Variants in UBE2E2 observed in about 807,000 individuals in gnomAD.
The protein encoded by UBE2E2 is ubiquitin conjugating enzyme E2 E2.
Under a neutral mutation model 24.7 loss-of-function variants are expected in UBE2E2, and 6 were observed. The observed-to-expected ratio is 0.24, with a 90% CI of 0.13 to 0.48. The LOEUF (loss-of-function observed/expected upper bound fraction) is 0.48. Among genes scored for constraint, UBE2E2 ranks in the 20% least tolerant of loss-of-function variants. UBE2E2 has a pLI of 0.99. For synonymous variants in UBE2E2, 104 were observed against 83.6 expected, an observed-to-expected ratio of 1.24 and a Z score of -1.33; for missense variants, 169 against 245.0, an observed-to-expected ratio of 0.69 and a Z score of 2.07.
Position 23,272,779 on chromosome 3 carries a change from C to T in UBE2E2, c.227+55467C>T, listed in dbSNP as rs114918702. 1.8e-3 allele frequency among the ~76,000 whole-genome samples: 278 copies of T among 152,118 alleles called. 1 individual carries two copies. The highest frequency in any genetic ancestry group is 6.3e-3 in the African/African-American group (260 of 41,496). On this transcript the variant is annotated intron_variant, in intron 3 of 5. Transcript: ENST00000396703. ...AGCTGGAGACTCAGGAGAGCTGTGG[C>T]GTAGTAGTTTCTGTCCAAGTCCAGA...
At chr3:23,516,167 G>A (rs546290082) in intron 4 of UBE2E2, among the ~76,000 whole-genome samples, 1 of 152,266 alleles carries the variant, frequency 6.6e-6, no homozygotes, top group South Asian at 2.1e-4. Context: ...TAGATACATA[G>A]TTTAAGAACA....
At chr3:23,545,721 A>G (rs1250902657) in intron 5 of UBE2E2, among the ~76,000 whole-genome samples, 3 of 152,204 alleles carry the variant, frequency 2.0e-5, no homozygotes, top group Admixed American at 2.0e-4. Flanking sequence ...ATATATGTTT[A>G]TCACAGCGCA....
chr3:23,392,921 A>G (rs1320694218), intron 3 of UBE2E2, among the ~76,000 whole-genome samples: 1 of 152,214 alleles, frequency 6.6e-6, no homozygotes, highest in Non-Finnish European at 1.5e-5. Flanking sequence ...AAGGCCAGGA[A>G]GGGGCAAGTC....
chr3:23,482,837 G>T (rs1466344376), intron 3 of UBE2E2, among the ~76,000 whole-genome samples: 1 of 152,178 alleles, frequency 6.6e-6, no homozygotes, highest in African/African-American at 2.4e-5. Flanking sequence ...TAAAGAAGAT[G>T]ATGAATGTGA....
intron 3 of UBE2E2, among the ~76,000 whole-genome samples, chr3:23,444,742 T>C (rs1308234261): frequency 1.3e-5 from 2 of 152,216 alleles, no homozygotes; most frequent in African/African-American, 2.4e-5. Flanking sequence ...CCAGCTGTTA[T>C]TTGTGAATGG....
At chr3:23,239,619 G>A (rs1697206549) in intron 3 of UBE2E2, among the ~76,000 whole-genome samples, 1 of 152,188 alleles carries the variant, frequency 6.6e-6, no homozygotes, top group Non-Finnish European at 1.5e-5. Context: ...ATAATTGAGT[G>A]GAGGTTGGGA....
intron 5 of UBE2E2, among the ~76,000 whole-genome samples, chr3:23,548,104 C>G (rs1695564605): frequency 1.3e-5 from 2 of 152,190 alleles, no homozygotes; most frequent in East Asian, 3.8e-4. Context: ...TATGTTCTCA[C>G]ATCAGCTTAC....
chr3:23,574,114 C>T (rs1446358611), intron 5 of UBE2E2, among the ~76,000 whole-genome samples: 1 of 152,040 alleles, frequency 6.6e-6, no homozygotes, highest in African/African-American at 2.4e-5. Flanking sequence ...GTGAAATAAG[C>T]CAGGCACAGA....
At chr3:23,513,405 T>C (rs866018591) in intron 4 of UBE2E2, among the ~76,000 whole-genome samples, 13 of 136,594 alleles carry the variant, frequency 9.5e-5, no homozygotes, top group Middle Eastern at 4.2e-3. Context: ...TGTAGATCTT[T>C]GTTAGAATCA....
intron 4 of UBE2E2, among the ~76,000 whole-genome samples, chr3:23,524,441 C>A (rs1694944974): frequency 6.6e-6 from 1 of 152,164 alleles, no homozygotes; most frequent in Admixed American, 6.5e-5. Flanking sequence ...GTACTTCAGT[C>A]TTCACAGCTA....
chr3:23,489,245 T>C (rs958173410), intron 3 of UBE2E2, among the ~76,000 whole-genome samples: 1 of 152,182 alleles, frequency 6.6e-6, no homozygotes, highest in African/African-American at 2.4e-5. Flanking sequence ...TATTACATTG[T>C]AATATATAAT....
intron 3 of UBE2E2, among the ~76,000 whole-genome samples, chr3:23,232,299 C>T (rs886281013): frequency 6.6e-6 from 1 of 152,180 alleles, no homozygotes; most frequent in East Asian, 1.9e-4. Context: ...AGAACAAATA[C>T]TATTTCAAAA....
chr3:23,408,945 C>A lies in UBE2E2; in HGVS notation c.228-90663C>A, dbSNP rs185444221. 2.0e-5 allele frequency among the ~76,000 whole-genome samples: 3 copies of A among 152,200 alleles called. No individual in the cohort carries two copies. The East Asian group carries it at 5.8e-4, about 29-fold the overall frequency. On this transcript the variant is annotated intron_variant, in intron 3 of 5. Coordinates refer to ENST00000396703, the MANE Select transcript of UBE2E2 (RefSeq NM_152653.4). ...GAAGAGCCCTTGTATTTGAATAATG[C>A]TTAATTCCTACTTCTGTGGGATGTT...
intron 5 of UBE2E2, among the ~76,000 whole-genome samples, chr3:23,581,333 A>G (rs940727510): frequency 6.6e-6 from 1 of 152,162 alleles, no homozygotes; most frequent in Admixed American, 6.6e-5. Context: ...GTCATTTATT[A>G]TGGTTAAAGC....
At chr3:23,539,894 C>CT in intron 5 of UBE2E2, among the ~76,000 whole-genome samples, 1 of 152,048 alleles carries the variant, frequency 6.6e-6, no homozygotes, top group Non-Finnish European at 1.5e-5. Context: ...AATGTGTGAA[C>CT]TAGATGGCCT....
chr3:23,501,243 G>A (rs1180600539), intron 4 of UBE2E2, among the ~76,000 whole-genome samples: 1 of 152,180 alleles, frequency 6.6e-6, no homozygotes, highest in Non-Finnish European at 1.5e-5. Flanking sequence ...CTTGAGATTA[G>A]TAGTTTCAGA....
chr3:23,209,963 C>T (rs1259129727), intron 2 of UBE2E2, among the ~76,000 whole-genome samples: 1 of 152,078 alleles, frequency 6.6e-6, no homozygotes, highest in Non-Finnish European at 1.5e-5. Flanking sequence ...GACCTGTATA[C>T]TAGACCATGC....
intron 5 of UBE2E2, among the ~76,000 whole-genome samples, chr3:23,566,835 T>C (rs533687523): frequency 4.0e-5 from 6 of 151,880 alleles, no homozygotes; most frequent in Non-Finnish European, 8.8e-5. Flanking sequence ...CCAAACCATA[T>C]CAAGAAAGTA....
Position 23,389,390 on chromosome 3 carries a change from C to T in UBE2E2, c.228-110218C>T, listed in dbSNP as rs545317788. 2.7e-3 allele frequency among the ~76,000 whole-genome samples: 410 copies of T among 152,266 alleles called. 3 individuals are homozygous for T. The highest frequency in any genetic ancestry group is 9.4e-3 in the African/African-American group (390 of 41,552). ...CAGTCAGAGCTCTAGGGCTTTATTA[C>T]GAATGGAGTTGACTGCTAGAGAGGC... On this transcript the variant is annotated intron_variant, in intron 3 of 5. Transcript: ENST00000396703.
Sources: gnomAD v4.1 joint callset for allele counts (sites outside exome capture counted in the v4.1 genomes callset) on GRCh38, gnomAD v4.1.1 for gene constraint, MANE v1.5 for transcripts, NCBI Gene and HGNC (gene_info 2026-07-23, HGNC 2026-07-21) for gene names.